SLC35A5: variants seen among roughly 807,000 people sequenced by gnomAD.
SLC35A5 encodes the protein solute carrier family 35 member A5.
A neutral mutation model predicts 36.3 loss-of-function variants in SLC35A5; 28 were observed. That is an observed-to-expected ratio of 0.77 (90% CI 0.57 to 1.06). The LOEUF is 1.06. SLC35A5 is among the 50% of genes least tolerant of loss of function. SLC35A5 has a pLI of 0.00. For missense variants in SLC35A5, 521 were observed against 499.3 expected (o/e 1.04, Z -0.41); for synonymous variants, 180 against 173.7 (o/e 1.04, Z -0.29).
intron 4 of SLC35A5, among the ~76,000 whole-genome samples, chr3:112,570,975 C>T (rs1447053893): frequency 6.6e-6 from 1 of 152,170 alleles, no homozygotes; most frequent in Non-Finnish European, 1.5e-5. Context: ...TCTGAGACGT[C>T]CTGTGGCCAC....
chr3:112,564,968 C>G (rs1250230922), intron 2 of SLC35A5, among the ~76,000 whole-genome samples: 1 of 152,220 alleles, frequency 6.6e-6, no homozygotes, highest in Non-Finnish European at 1.5e-5. Flanking sequence ...CTACTTCTTT[C>G]TACACAGACA....
chr3:112,584,600 TAATG>T lies in SLC35A5; in HGVS notation c.*1866_*1869del, dbSNP rs1457470841. 6.6e-6 allele frequency: 1 copy of T among 152,150 alleles called. No homozygotes were observed. The highest frequency in any genetic ancestry group is 2.4e-5 in the African/African-American group (1 of 41,446). The allele number at this position is 152,150 out of a possible 1,614,324, so 9.4% of individuals were successfully genotyped here. ...AGTTTACTTATGTTAACTTGCCACT[TAATG>T]AGAGAGGAAGAGAAAGAGTGAGAGC... is the stretch of plus-strand genomic sequence containing the variant. On this transcript the variant is annotated 3_prime_UTR_variant, in exon 7 of 7. Transcript: ENST00000492406.
intron 4 of SLC35A5, among the ~76,000 whole-genome samples, chr3:112,572,087 C>T (rs1194439892): frequency 8.7e-5 from 13 of 150,254 alleles, no homozygotes; most frequent in African/African-American, 2.0e-4. Context: ...GGACTACAGG[C>T]GCCCGCCACC....
chr3:112,580,400 T>C, intron 5 of SLC35A5, 146 bp from the exon 6 acceptor site: 1 of 864,148 alleles, frequency 1.2e-6, no homozygotes, highest in Non-Finnish European at 1.7e-6. Flanking sequence ...CACCAACAGT[T>C]TTTCTCTGAA....
Position 112,563,441 on chromosome 3 carries a change from C to T in SLC35A5, c.38C>T (p.Ser13Phe), listed in dbSNP as rs201886373. 1.3e-6 allele frequency: 2 copies of T among 1,592,262 alleles called. No homozygotes were observed. Among genetic ancestry groups the T allele is most frequent in the Admixed American group, 3.4e-5 (2 of 59,472 alleles). Reference sequence around the variant, plus strand: ...TGCTGTAGTCATCCTGTAATATGCTCCTTGTCAACAATGTATACATTCCTG... The same window carrying T: ...TGCTGTAGTCATCCTGTAATATGCTTCTTGTCAACAATGTATACATTCCTG... ...KQCCSHPVIC[S>F]LSTMYTFLLG... The change falls in exon 2 of 7, where the codon TCC becomes TTC. Residue 13 changes from serine (S) to phenylalanine (F), a missense_variant. By Grantham distance (155) the Ser-to-Phe change is radical. Coordinates refer to ENST00000492406, the MANE Select transcript of SLC35A5 (RefSeq NM_017945.5).
chr3:112,563,579 C>T (rs1934048493), intron 2 of SLC35A5, 46 bp downstream of exon 2: 1 of 1,497,592 alleles, frequency 6.7e-7, no homozygotes, highest in Non-Finnish European at 9.0e-7. Context: ...CATCTAATCA[C>T]ACATCTCTCT....
At position 112,582,840 on chromosome 3, in the gene SLC35A5, C is replaced by G; in HGVS notation, c.*104C>G. ...TGATAAACCAGAAATGTTTCTAAAT[C>G]CTAATATTCTTTGCATATATCTAGC... On this transcript the variant is annotated 3_prime_UTR_variant, in exon 7 of 7. Transcript: ENST00000492406. 3 of 1,022,970 alleles carry G rather than the reference C, an allele frequency of 2.9e-6. No homozygotes were observed. The South Asian group carries it at 4.4e-5, about 15-fold the overall frequency. The allele number at this position is 1,022,970 out of a possible 1,614,324, so 63.4% of individuals were successfully genotyped here. A position where few individuals can be genotyped will look rare whatever the true frequency, so the allele number is the denominator to read the frequency against.
intron 2 of SLC35A5, among the ~76,000 whole-genome samples, chr3:112,565,939 T>G (rs1331024171): frequency 6.6e-6 from 1 of 152,094 alleles, no homozygotes; most frequent in African/African-American, 2.4e-5. Flanking sequence ...TGAAGGATTA[T>G]AAATAGGAGA....
Position 112,585,155 on chromosome 3 carries a change from G to A in SLC35A5, c.*2419G>A. The A allele has an allele frequency of 6.6e-6, 1 of 152,340 alleles. No individual in the cohort carries two copies. The highest frequency in any genetic ancestry group is 1.5e-5 in the Non-Finnish European group (1 of 68,068). The allele number at this position is 152,340 out of a possible 1,614,324, so 9.4% of individuals were successfully genotyped here. ...GAGGCCTCAGGAAACTCACAAGCAT[G>A]GCTGAAGGCGAAACAGAAGCAAGCA... On this transcript the variant is annotated 3_prime_UTR_variant, in exon 7 of 7. Coordinates refer to ENST00000492406, the MANE Select transcript of SLC35A5 (RefSeq NM_017945.5).
chr3:112,583,464 G>A lies in SLC35A5; in HGVS notation c.*728G>A. On this transcript the variant is annotated 3_prime_UTR_variant, in exon 7 of 7. Coordinates refer to ENST00000492406, the MANE Select transcript of SLC35A5 (RefSeq NM_017945.5). Reference sequence around the variant, plus strand: ...AAGTCATTTAAACAAGCCACGGTGGGGCTTTTTTCTCCTCAGTTTGAGGAG... The same window carrying A: ...AAGTCATTTAAACAAGCCACGGTGGAGCTTTTTTCTCCTCAGTTTGAGGAG... 4.4e-6 allele frequency: 1 copy of A among 226,044 alleles called. No homozygotes were observed. The allele number at this position is 226,044 out of a possible 1,614,324, so 14.0% of individuals were successfully genotyped here. A position where few individuals can be genotyped will look rare whatever the true frequency, so the allele number is the denominator to read the frequency against.
At chr3:112,574,032 A>C in intron 5 of SLC35A5, 76 bp downstream of exon 5, 1 of 1,277,432 alleles carries the variant, frequency 7.8e-7, no homozygotes, top group Non-Finnish European at 1.1e-6. Context: ...TACCCAGAAC[A>C]CTGAGCCGTC....
At chr3:112,568,587 G>A (rs1934301261) in intron 2 of SLC35A5, among the ~76,000 whole-genome samples, 2 of 152,188 alleles carry the variant, frequency 1.3e-5, no homozygotes. Context: ...AGGTAGCAGA[G>A]CCCTAGGCCA....
At chr3:112,568,679 C>T (rs564938615) in intron 2 of SLC35A5, among the ~76,000 whole-genome samples, 42 of 152,308 alleles carry the variant, frequency 2.8e-4, no homozygotes, top group African/African-American at 9.9e-4. Flanking sequence ...TTAATGTTTT[C>T]TGTGTGTACC....
intron 1 of SLC35A5, among the ~76,000 whole-genome samples, 188 bp downstream of exon 1, chr3:112,562,461 C>G (rs908782521): frequency 2.0e-5 from 3 of 152,200 alleles, no homozygotes; most frequent in Admixed American, 6.5e-5. Flanking sequence ...GGCATTTCTC[C>G]CCACTCCCCG....
At chr3:112,570,724 C>T (rs937862109) in intron 4 of SLC35A5, 54 bp downstream of exon 4, 1 of 1,464,346 alleles carries the variant, frequency 6.8e-7, no homozygotes, top group Non-Finnish European at 9.0e-7. Context: ...GAAATAAATC[C>T]CAGAATTTTT....
At chr3:112,567,155 G>T (rs1364371729) in intron 2 of SLC35A5, among the ~76,000 whole-genome samples, 2 of 151,940 alleles carry the variant, frequency 1.3e-5, no homozygotes, top group African/African-American at 2.4e-5. Flanking sequence ...GAACCTGGGA[G>T]GTGGAGCTTG....
chr3:112,562,481 T>C (rs1024584967), intron 1 of SLC35A5, among the ~76,000 whole-genome samples: 1 of 152,228 alleles, frequency 6.6e-6, no homozygotes, highest in Non-Finnish European at 1.5e-5. Flanking sequence ...GCAGGCTCTA[T>C]GCGCTATTCC....
At chr3:112,563,574 A>G (rs1934047908) in intron 2 of SLC35A5, 41 bp downstream of exon 2, 1 of 1,507,240 alleles carries the variant, frequency 6.6e-7, no homozygotes, top group Admixed American at 1.9e-5. Flanking sequence ...ACTTCCATCT[A>G]ATCACACATC....
At chr3:112,570,784 G>A in intron 4 of SLC35A5, 114 bp downstream of exon 4, 1 of 1,011,036 alleles carries the variant, frequency 9.9e-7, no homozygotes. Flanking sequence ...TGTCCTCACT[G>A]GCCTTCCTGA....
Sources: gnomAD v4.1 joint callset for allele counts (sites outside exome capture counted in the v4.1 genomes callset) on GRCh38, gnomAD v4.1.1 for gene constraint, MANE v1.5 for transcripts, NCBI Gene and HGNC (gene_info 2026-07-23, HGNC 2026-07-21) for gene names.